CAMKMT: variants seen among roughly 807,000 people sequenced by gnomAD.
The protein encoded by CAMKMT is CaM KMT.
In CAMKMT, 53 loss-of-function variants were observed where a neutral mutation model predicts 48.0. The ratio of observed to expected loss-of-function variants is 1.10; its 90% confidence interval spans 0.89 to 1.39. The LOEUF (loss-of-function observed/expected upper bound fraction) is 1.39, where lower values mean the gene tolerates loss of function less well. Ranked by LOEUF, CAMKMT falls within the 40% of genes most tolerant of loss-of-function variation. The pLI, the probability that CAMKMT is intolerant of heterozygous loss-of-function variation, is 0.00. For synonymous variants in CAMKMT, 165 were observed against 152.3 expected, an observed-to-expected ratio of 1.08 and a Z score of -0.61; for missense variants, 428 against 402.7, an observed-to-expected ratio of 1.06 and a Z score of -0.54.
At position 44,537,591 on chromosome 2, in the gene CAMKMT, A is replaced by T. The variant is rs140496089; in HGVS notation, c.376+147286A>T. On this transcript the variant is annotated intron_variant, in intron 3 of 10. Coordinates refer to ENST00000378494, the MANE Select transcript of CAMKMT (RefSeq NM_024766.5). ...TTTCTTTCTTTCTTTCTGAGACAGG[A>T]TCTCATTTCTGTCACTCAGGCTGAG... Among the ~76,000 whole-genome samples, 1,175 of 152,010 alleles carry T rather than the reference A, an allele frequency of 7.7e-3. 17 individuals carry two copies. The highest frequency in any genetic ancestry group is 0.027 in the African/African-American group (1,113 of 41,472).
intron 6 of CAMKMT, among the ~76,000 whole-genome samples, chr2:44,709,293 G>C (rs1347796450): frequency 1.3e-5 from 2 of 152,156 alleles, no homozygotes; most frequent in African/African-American, 4.8e-5. Context: ...GGGTGCCAAA[G>C]GGCAGGAGGG....
chr2:44,362,409 A>G (rs1473750525), intron 1 of CAMKMT, among the ~76,000 whole-genome samples: 1 of 151,932 alleles, frequency 6.6e-6, no homozygotes, highest in Non-Finnish European at 1.5e-5. Flanking sequence ...CCTTCTAGAC[A>G]TTTTTGTGCG....
At chr2:44,616,894 C>T (rs1376031019) in intron 3 of CAMKMT, among the ~76,000 whole-genome samples, 1 of 152,028 alleles carries the variant, frequency 6.6e-6, no homozygotes, top group African/African-American at 2.4e-5. Flanking sequence ...AAACCAAAAG[C>T]ACAAAACTGA....
chr2:44,460,426 T>C (rs1461671024), intron 3 of CAMKMT, among the ~76,000 whole-genome samples: 1 of 152,180 alleles, frequency 6.6e-6, no homozygotes, highest in Admixed American at 6.5e-5. Flanking sequence ...TGTGAGTCTT[T>C]TTAGTGATTG....
At chr2:44,603,306 G>C (rs145322015) in intron 3 of CAMKMT, among the ~76,000 whole-genome samples, 1 of 151,896 alleles carries the variant, frequency 6.6e-6, no homozygotes, top group Non-Finnish European at 1.5e-5. Context: ...GGCCAGGCTG[G>C]TCTTGAACTC....
At chr2:44,522,755 G>T (rs1671185011) in intron 3 of CAMKMT, among the ~76,000 whole-genome samples, 1 of 152,144 alleles carries the variant, frequency 6.6e-6, no homozygotes, top group South Asian at 2.1e-4. Flanking sequence ...AACGCAGCAA[G>T]TCCTGGATCC....
chr2:44,548,152 C>G (rs1344030204), intron 3 of CAMKMT, among the ~76,000 whole-genome samples: 2 of 152,192 alleles, frequency 1.3e-5, no homozygotes, highest in Non-Finnish European at 2.9e-5. Flanking sequence ...CAAGTATTTA[C>G]TTAGCATCCT....
rs1257035900 is a variant in CAMKMT at position 44,618,058 on chromosome 2, G to A, written c.377-86225G>A. On this transcript the variant is annotated intron_variant, in intron 3 of 10. Coordinates refer to ENST00000378494, the MANE Select transcript of CAMKMT (RefSeq NM_024766.5). The surrounding 1 kb of genome is among the most constrained non-coding windows in gnomAD (Gnocchi z 4.0). ...TCCTGTTTCTTTGTATACACTTCTA[G>A]TAGTTAAACTGATTTTAATGGATGA... Among the ~76,000 whole-genome samples, 4 of 152,138 alleles carry A rather than the reference G, an allele frequency of 2.6e-5. No homozygotes were observed. Among genetic ancestry groups the A allele is most frequent in the African/African-American group, 7.2e-5 (3 of 41,432 alleles).
intron 3 of CAMKMT, among the ~76,000 whole-genome samples, chr2:44,531,674 C>G (rs143252424): frequency 6.8e-4 from 104 of 152,162 alleles, no homozygotes; most frequent in African/African-American, 2.4e-3. Flanking sequence ...AACAGTGATA[C>G]TGCAAATCTC....
chr2:44,471,494 G>C (rs528250027), intron 3 of CAMKMT, among the ~76,000 whole-genome samples: 1 of 152,082 alleles, frequency 6.6e-6, no homozygotes. Context: ...CAGTTACTAG[G>C]GAGGTTGAGG....
intron 3 of CAMKMT, among the ~76,000 whole-genome samples, chr2:44,437,680 C>T (rs1408211944): frequency 6.6e-6 from 1 of 151,910 alleles, no homozygotes; most frequent in Non-Finnish European, 1.5e-5. Flanking sequence ...AAACCCCCGT[C>T]TCTACAATAA....
At position 44,476,875 on chromosome 2, in the gene CAMKMT, A is replaced by T. The variant is rs559112947; in HGVS notation, c.376+86570A>T. ...AGGATTGGTCTAAGGATCAATGCTT[A>T]TGAATAAAAAGCACCTAGTACATGA... is the stretch of plus-strand genomic sequence containing the variant. On this transcript the variant is annotated intron_variant, in intron 3 of 10. Transcript: ENST00000378494. Among the ~76,000 whole-genome samples the T allele has an allele frequency of 2.0e-5, 3 of 152,286 alleles. No individual in the cohort carries two copies. In the East Asian group the frequency reaches 5.8e-4, roughly 29 times the overall value.
intron 7 of CAMKMT, among the ~76,000 whole-genome samples, chr2:44,722,077 G>A (rs559626606): frequency 1.4e-4 from 21 of 152,060 alleles, no homozygotes; most frequent in African/African-American, 4.6e-4. Context: ...CATATATCAG[G>A]GCATTTGTCA....
intron 7 of CAMKMT, among the ~76,000 whole-genome samples, chr2:44,740,848 GATAGTGAC>G (rs1431798189): frequency 6.6e-6 from 1 of 152,182 alleles, no homozygotes; most frequent in Non-Finnish European, 1.5e-5. Flanking sequence ...AGGGAAGTGG[GATAGTGAC>G]ATGGTGATAA....
chr2:44,374,770 A>G (rs1013813914), intron 2 of CAMKMT, among the ~76,000 whole-genome samples: 1 of 152,180 alleles, frequency 6.6e-6, no homozygotes, highest in African/African-American at 2.4e-5. Flanking sequence ...CAAATATGAC[A>G]TTGAGTTGGA....
intron 10 of CAMKMT, among the ~76,000 whole-genome samples, chr2:44,769,085 T>C (rs540964199): frequency 6.0e-5 from 9 of 150,366 alleles, no homozygotes; most frequent in Non-Finnish European, 1.2e-4. Context: ...CCCCTCCTCT[T>C]ACAACAGGGG....
At chr2:44,547,059 G>T (rs549804342) in intron 3 of CAMKMT, among the ~76,000 whole-genome samples, 1 of 152,178 alleles carries the variant, frequency 6.6e-6, no homozygotes, top group South Asian at 2.1e-4. Context: ...TGTGTTGAGG[G>T]GTCCTGAGGG....
intron 3 of CAMKMT, among the ~76,000 whole-genome samples, chr2:44,472,639 T>A (rs1450076594): frequency 1.3e-5 from 2 of 152,152 alleles, no homozygotes; most frequent in African/African-American, 4.8e-5. Context: ...TAAGACTTGG[T>A]GCCTGTCACC....
At chr2:44,582,125 G>C (rs1669600510) in intron 3 of CAMKMT, among the ~76,000 whole-genome samples, 1 of 152,208 alleles carries the variant, frequency 6.6e-6, no homozygotes, top group Non-Finnish European at 1.5e-5. Flanking sequence ...TCCATCGTAG[G>C]TAAGTACAGG....
Sources: allele counts gnomAD v4.1 joint callset (sites outside exome capture counted in the v4.1 genomes callset), GRCh38; gene constraint gnomAD v4.1.1; non-coding constraint Gnocchi (gnomAD v3.1); transcripts MANE v1.5; gene names NCBI Gene and HGNC (gene_info 2026-07-23, HGNC 2026-07-21).